The following SLCO3A1 variants were observed in gnomAD, a reference collection of about 807,000 sequenced individuals.
The protein encoded by SLCO3A1 is solute carrier organic anion transporter family member 3A1.
In SLCO3A1, 27 loss-of-function variants were observed where a neutral mutation model predicts 63.1. The ratio of observed to expected loss-of-function variants is 0.43; its 90% CI spans 0.32 to 0.59. The LOEUF is 0.59. Among genes scored for constraint, SLCO3A1 ranks in the 20% least tolerant of loss-of-function variants. The pLI, the probability that SLCO3A1 is intolerant of heterozygous loss-of-function variation, is 0.09. For missense variants in SLCO3A1, 773 were observed against 945.8 expected (o/e 0.82, Z 2.40); for synonymous variants, 473 against 409.9 (o/e 1.15, Z -1.86).
chr15:92,152,309 G>A (rs905975680), intron 9 of SLCO3A1, among the ~76,000 whole-genome samples: 6 of 152,148 alleles, frequency 3.9e-5, no homozygotes, highest in African/African-American at 7.2e-5. Context: ...TTCCTTCTCC[G>A]TCTATAGCAA....
intron 1 of SLCO3A1, among the ~76,000 whole-genome samples, chr15:91,879,026 C>G (rs774263430): frequency 2.0e-5 from 3 of 152,184 alleles, no homozygotes; most frequent in African/African-American, 7.2e-5. Flanking sequence ...GTACGTGACT[C>G]TATTTTGAAA....
intron 2 of SLCO3A1, among the ~76,000 whole-genome samples, chr15:91,980,549 C>T (rs1252938643): frequency 6.6e-6 from 1 of 151,962 alleles, no homozygotes; most frequent in Non-Finnish European, 1.5e-5. Flanking sequence ...CATTCCTGTT[C>T]TGAGTGGGTC....
chr15:91,939,703 G>A (rs1041331432), intron 2 of SLCO3A1, among the ~76,000 whole-genome samples: 1 of 152,076 alleles, frequency 6.6e-6, no homozygotes, highest in African/African-American at 2.4e-5. Flanking sequence ...GTCATAGCTT[G>A]GACTCTTTCC....
At chr15:91,985,949 G>A (rs1189818176) in intron 2 of SLCO3A1, among the ~76,000 whole-genome samples, 1 of 152,162 alleles carries the variant, frequency 6.6e-6, no homozygotes, top group Non-Finnish European at 1.5e-5. Flanking sequence ...CTGGGTTGGG[G>A]GAAGAGGGTG....
chr15:92,111,153 A>G (rs2047724227), intron 4 of SLCO3A1, among the ~76,000 whole-genome samples: 1 of 152,134 alleles, frequency 6.6e-6, no homozygotes, highest in Admixed American at 6.5e-5. Context: ...TTGCCTGTCC[A>G]CAGGACCCAG....
At chr15:91,963,472 T>A (rs1900539716) in intron 2 of SLCO3A1, among the ~76,000 whole-genome samples, 1 of 149,522 alleles carries the variant, frequency 6.7e-6, no homozygotes, top group Non-Finnish European at 1.5e-5. Context: ...AATGAGAAAG[T>A]GGTGTGGGTA....
At chr15:91,984,101 A>T (rs2046020966) in intron 2 of SLCO3A1, among the ~76,000 whole-genome samples, 1 of 152,186 alleles carries the variant, frequency 6.6e-6, no homozygotes, top group Non-Finnish European at 1.5e-5. Flanking sequence ...TCAGATTTGC[A>T]GTCGGTTATT....
At chr15:91,864,224 TA>T (rs1057419095) in intron 1 of SLCO3A1, among the ~76,000 whole-genome samples, 9 of 152,182 alleles carry the variant, frequency 5.9e-5, no homozygotes, top group Non-Finnish European at 1.2e-4. Flanking sequence ...TTCTTAAGTA[TA>T]ACATCGTAGA....
chr15:91,974,434 G>A (rs909586925), intron 2 of SLCO3A1, among the ~76,000 whole-genome samples: 3 of 152,122 alleles, frequency 2.0e-5, no homozygotes, highest in Non-Finnish European at 4.4e-5. Flanking sequence ...GGCTCCAGAG[G>A]AGGCAACGGG....
intron 4 of SLCO3A1, among the ~76,000 whole-genome samples, chr15:92,108,069 C>A (rs2151549407): frequency 6.6e-6 from 1 of 152,300 alleles, no homozygotes; most frequent in Admixed American, 6.5e-5. Context: ...GGTCTGCTTC[C>A]AACAGTCAGC....
At position 91,950,004 on chromosome 15, in the gene SLCO3A1, C is replaced by G. The variant is rs1567033811; in HGVS notation, c.646+33546C>G. The stretch of plus-strand genomic sequence containing the variant: ...CCTGAGCAACAGAACCAGACCCTGT[C>G]TCTAAAAAACAACAACGAAAAGAAG... On this transcript the variant is annotated intron_variant, in intron 2 of 9. Coordinates refer to ENST00000318445, the MANE Select transcript of SLCO3A1 (RefSeq NM_013272.4). This position sits in a 1 kb window ranked among gnomAD's most constrained non-coding sequence, Gnocchi z 4.4. 1.3e-5 allele frequency among the ~76,000 whole-genome samples: 2 copies of G among 152,108 alleles called. No homozygotes were observed. The highest frequency in any genetic ancestry group is 4.8e-5 in the African/African-American group (2 of 41,400).
chr15:92,131,291 G>A (rs1306591123), intron 7 of SLCO3A1, among the ~76,000 whole-genome samples: 2 of 151,546 alleles, frequency 1.3e-5, no homozygotes, highest in South Asian at 2.1e-4. Context: ...CTTCTCATTC[G>A]AGACATTTAT....
intron 2 of SLCO3A1, among the ~76,000 whole-genome samples, chr15:92,002,405 T>C (rs34684344): frequency 5.9e-5 from 9 of 152,298 alleles, no homozygotes; most frequent in African/African-American, 1.4e-4. Context: ...CTGGACAAAG[T>C]GATGTGTTTT....
intron 2 of SLCO3A1, among the ~76,000 whole-genome samples, chr15:92,031,521 G>A (rs35000646): frequency 0.18 from 27,819 of 152,040 alleles, 3,064 homozygotes; most frequent in Admixed American, 0.31. Context: ...GCATCATTTC[G>A]TGGATCCCTG....
At chr15:92,075,409 T>C (rs1265231589) in intron 2 of SLCO3A1, among the ~76,000 whole-genome samples, 1 of 152,146 alleles carries the variant, frequency 6.6e-6, no homozygotes, top group Non-Finnish European at 1.5e-5. Context: ...GGCAGCTGAC[T>C]CTATGAGAAT....
At chr15:92,086,982 CAA>C (rs35886694) in intron 2 of SLCO3A1, among the ~76,000 whole-genome samples, 181 of 133,818 alleles carry the variant, frequency 1.4e-3, no homozygotes, top group Non-Finnish European at 1.3e-3. Context: ...AACTCCGTCT[CAA>C]AAAAAAAAAA....
Position 91,950,748 on chromosome 15 carries a change from CTG to C in SLCO3A1, c.646+34291_646+34292del, listed in dbSNP as rs548614832. 1.3e-5 allele frequency among the ~76,000 whole-genome samples: 2 copies of C among 152,230 alleles called. No homozygotes were observed. The highest frequency in any genetic ancestry group is 4.1e-4 in the South Asian group (2 of 4,822). On this transcript the variant is annotated intron_variant, in intron 2 of 9. Coordinates refer to ENST00000318445, the MANE Select transcript of SLCO3A1 (RefSeq NM_013272.4). This position sits in a 1 kb window ranked among gnomAD's most constrained non-coding sequence, Gnocchi z 4.4. The stretch of plus-strand genomic sequence containing the variant: ...AAGTCATTGCTTTTTGGGGTGAGGG[CTG>C]ATGTGTTGTTGAAAGTCTTTGGCAA...
chr15:92,073,638 C>A (rs1596076540), intron 2 of SLCO3A1, among the ~76,000 whole-genome samples: 1 of 152,212 alleles, frequency 6.6e-6, no homozygotes, highest in Non-Finnish European at 1.5e-5. Context: ...AATTGCACTT[C>A]GGTGGCTTTT....
chr15:92,145,667 T>C (rs2048212121), intron 7 of SLCO3A1, among the ~76,000 whole-genome samples: 1 of 152,106 alleles, frequency 6.6e-6, no homozygotes, highest in South Asian at 2.1e-4. Flanking sequence ...AAAAAGTCTC[T>C]AGGCAGAGGT....
Sources: allele counts gnomAD v4.1 joint callset (sites outside exome capture counted in the v4.1 genomes callset), GRCh38; gene constraint gnomAD v4.1.1; non-coding constraint Gnocchi (gnomAD v3.1); transcripts MANE v1.5; gene names NCBI Gene and HGNC (gene_info 2026-07-23, HGNC 2026-07-21).